LSAMP: variants seen among roughly 807,000 people sequenced by gnomAD.
LSAMP encodes the protein limbic system-associated membrane protein.
A neutral mutation model predicts 38.6 loss-of-function variants in LSAMP; 7 were observed. The observed-to-expected ratio is 0.18, with a 90% CI of 0.10 to 0.34. The LOEUF (loss-of-function observed/expected upper bound fraction) is 0.34. Ranked by LOEUF, LSAMP falls within the 10% of genes least tolerant of loss-of-function variation. The probability of loss-of-function intolerance (pLI) is 1.00; values close to 1 mark genes in which losing one functional copy is unlikely to be tolerated. For missense variants in LSAMP, 313 were observed against 420.0 expected (o/e 0.75, Z 2.23); for synonymous variants, 154 against 166.8 (o/e 0.92, Z 0.59).
chr3:115,896,160 A>AT (rs1936723664), intron 3 of LSAMP, among the ~76,000 whole-genome samples: 1 of 151,798 alleles, frequency 6.6e-6, no homozygotes, highest in South Asian at 2.1e-4. Flanking sequence ...CTCCTTTCTA[A>AT]TTTTTCTAAA....
intron 1 of LSAMP, among the ~76,000 whole-genome samples, chr3:116,340,270 G>A (rs369569993): frequency 6.6e-6 from 1 of 152,006 alleles, no homozygotes; most frequent in African/African-American, 2.4e-5. Context: ...TGCCTGACAT[G>A]TTGCCTGTTA....
At chr3:116,236,386 T>G (rs2046465981) in intron 1 of LSAMP, among the ~76,000 whole-genome samples, 1 of 152,102 alleles carries the variant, frequency 6.6e-6, no homozygotes, top group Non-Finnish European at 1.5e-5. Context: ...AGGTTTCCAA[T>G]TTGTTTTAAG....
chr3:115,962,156 A>G (rs1938647915), intron 3 of LSAMP, among the ~76,000 whole-genome samples: 1 of 152,202 alleles, frequency 6.6e-6, no homozygotes, highest in Non-Finnish European at 1.5e-5. Context: ...TTTGAATTAG[A>G]ACTGCAATCA....
chr3:115,840,822 G>T (rs997535825), intron 6 of LSAMP, among the ~76,000 whole-genome samples: 2 of 150,732 alleles, frequency 1.3e-5, no homozygotes, highest in Non-Finnish European at 2.9e-5. Context: ...TTTTCCAATA[G>T]AATCTGTGCA....
chr3:116,112,111 C>T (rs1212853191), intron 1 of LSAMP, among the ~76,000 whole-genome samples: 1 of 152,152 alleles, frequency 6.6e-6, no homozygotes, highest in African/African-American at 2.4e-5. Flanking sequence ...AGCTGAATAA[C>T]AAAATTGAAA....
At chr3:116,316,318 G>A (rs2047628726) in intron 1 of LSAMP, among the ~76,000 whole-genome samples, 1 of 152,058 alleles carries the variant, frequency 6.6e-6, no homozygotes, top group South Asian at 2.1e-4. Context: ...GCTCTGTTTG[G>A]GTATGCCTTT....
chr3:116,396,104 A>C (rs1047012025), intron 1 of LSAMP, among the ~76,000 whole-genome samples: 4 of 152,190 alleles, frequency 2.6e-5, no homozygotes, highest in Non-Finnish European at 2.9e-5. Flanking sequence ...AGGAAGTACT[A>C]AAGGTGGATT....
At chr3:116,327,510 C>A (rs1278867534) in intron 1 of LSAMP, among the ~76,000 whole-genome samples, 2 of 151,996 alleles carry the variant, frequency 1.3e-5, no homozygotes, top group Non-Finnish European at 2.9e-5. Flanking sequence ...ATTATATGGC[C>A]ATTTCTCCTC....
chr3:116,217,616 C>A (rs1200423864), intron 1 of LSAMP, among the ~76,000 whole-genome samples: 1 of 152,172 alleles, frequency 6.6e-6, no homozygotes, highest in East Asian at 1.9e-4. Context: ...GTAAAGTGTT[C>A]CCATGTGCCA....
At chr3:116,101,411 C>T (rs1477084251) in intron 1 of LSAMP, among the ~76,000 whole-genome samples, 1 of 151,912 alleles carries the variant, frequency 6.6e-6, no homozygotes, top group Non-Finnish European at 1.5e-5. Flanking sequence ...TTTTTTGTCA[C>T]TCTTTTAAAT....
chr3:116,421,739 C>T (rs1282460209), intron 1 of LSAMP, among the ~76,000 whole-genome samples: 1 of 152,140 alleles, frequency 6.6e-6, no homozygotes, highest in Non-Finnish European at 1.5e-5. Context: ...GACATCACTA[C>T]ACAGTCACTT....
At chr3:116,245,110 A>G (rs73140982) in intron 1 of LSAMP, among the ~76,000 whole-genome samples, 18,314 of 152,164 alleles carry the variant, frequency 0.12, 1,470 homozygotes, top group Admixed American at 0.2. Context: ...TTAAAGCGAG[A>G]TCATTAGGGT....
intron 3 of LSAMP, among the ~76,000 whole-genome samples, chr3:115,871,252 T>C (rs1311772470): frequency 6.6e-6 from 1 of 152,086 alleles, no homozygotes; most frequent in African/African-American, 2.4e-5. Context: ...AGTTTAAACC[T>C]GAAACACAGA....
At chr3:116,064,678 G>A (rs1941652451) in intron 2 of LSAMP, among the ~76,000 whole-genome samples, 1 of 152,070 alleles carries the variant, frequency 6.6e-6, no homozygotes, top group South Asian at 2.1e-4. Context: ...ACTATATCAG[G>A]CAGTCTGGTA....
chr3:116,443,559 C>A (rs542343788), intron 1 of LSAMP, among the ~76,000 whole-genome samples: 1 of 152,150 alleles, frequency 6.6e-6, no homozygotes, highest in Non-Finnish European at 1.5e-5. Context: ...GACAGCCAAC[C>A]AAATTTATTT....
chr3:116,210,547 A>T (rs2046142703), intron 1 of LSAMP, among the ~76,000 whole-genome samples: 1 of 152,196 alleles, frequency 6.6e-6, no homozygotes, highest in African/African-American at 2.4e-5. Flanking sequence ...CGAAGGCTGC[A>T]TCGTCGGCTT....
chr3:116,125,558 T>C (rs1708989751), intron 1 of LSAMP, among the ~76,000 whole-genome samples: 1 of 152,160 alleles, frequency 6.6e-6, no homozygotes, highest in African/African-American at 2.4e-5. Context: ...TTCTTTGACT[T>C]CCCTCAACTT....
chr3:116,163,689 A>G (rs1709958170), intron 1 of LSAMP, among the ~76,000 whole-genome samples: 1 of 152,106 alleles, frequency 6.6e-6, no homozygotes, highest in Non-Finnish European at 1.5e-5. Context: ...TTATAGTCCC[A>G]CCAACAGTGT....
At chr3:116,301,349 A>C (rs995804081) in intron 1 of LSAMP, among the ~76,000 whole-genome samples, 1 of 152,320 alleles carries the variant, frequency 6.6e-6, no homozygotes, top group Non-Finnish European at 1.5e-5. Context: ...ATTTAGGAGA[A>C]AGATTAATTC....
Sources: gnomAD v4.1 joint callset for allele counts (sites outside exome capture counted in the v4.1 genomes callset) on GRCh38, gnomAD v4.1.1 for gene constraint, MANE v1.5 for transcripts, NCBI Gene and HGNC (gene_info 2026-07-23, HGNC 2026-07-21) for gene names.